Variants in UTRN observed in about 807,000 individuals in gnomAD.
UTRN encodes the protein utrophin, also known as dystrophin-related protein 1.
UTRN carries 283 observed loss-of-function variants against 463.9 expected under a neutral mutation model. The observed-to-expected ratio is 0.61, with a 90% CI of 0.55 to 0.67. The LOEUF is 0.67. Among genes scored for constraint, UTRN ranks in the 30% least tolerant of loss-of-function variants. The pLI, the probability that UTRN is intolerant of heterozygous loss-of-function variation, is 0.00. For synonymous variants in UTRN, 1,442 were observed against 1,431.5 expected, an observed-to-expected ratio of 1.01 and a Z score of -0.17; for missense variants, 3,922 against 4,084.3, an observed-to-expected ratio of 0.96 and a Z score of 1.08.
At chr6:144,435,149 G>A (rs918897401) in intron 9 of UTRN, among the ~76,000 whole-genome samples, 2 of 152,114 alleles carry the variant, frequency 1.3e-5, no homozygotes, top group Admixed American at 1.3e-4. Context: ...TTCTCTATAC[G>A]TTTCTGTACA....
chr6:144,793,908 A>T lies in UTRN; in HGVS notation c.8995A>T (p.Ile2999Phe), dbSNP rs766143709. The change falls in exon 63 of 75, where the codon ATC becomes TTC. Residue 2999 changes from isoleucine to phenylalanine, a missense_variant. Ile to Phe is a conservative substitution (Grantham distance 21). Transcript: ENST00000367545. ...GCTGGGCCTGTTACTTCATGATGCC[A>T]TCCAGATCCCCCGGCAGCTAGGTGA... ...RQLGLLLHDA[I>F]QIPRQLGEVA... 2.0e-5 allele frequency: 33 copies of T among 1,614,056 alleles called. No individual in the cohort carries two copies. Among genetic ancestry groups the T allele is most frequent in the Non-Finnish European group, 2.7e-5 (32 of 1,180,018 alleles).
intron 45 of UTRN, among the ~76,000 whole-genome samples, chr6:144,542,533 C>T (rs1374381540): frequency 6.6e-6 from 1 of 152,058 alleles, no homozygotes; most frequent in Non-Finnish European, 1.5e-5. Flanking sequence ...TAACAGAATT[C>T]AAGGGAGGGG....
chr6:144,452,780 A>G (rs1788454678), intron 18 of UTRN, among the ~76,000 whole-genome samples: 1 of 136,460 alleles, frequency 7.3e-6, no homozygotes, highest in Non-Finnish European at 1.6e-5. Context: ...TACAAAAAGT[A>G]AAAAAAAAAA....
chr6:144,539,087 T>G (rs1201415761), intron 44 of UTRN, among the ~76,000 whole-genome samples: 4 of 152,058 alleles, frequency 2.6e-5, no homozygotes, highest in Non-Finnish European at 5.9e-5. Context: ...TGCACAGGAG[T>G]GCAAAAATAC....
chr6:144,308,760 C>T (rs1054751830), intron 2 of UTRN, among the ~76,000 whole-genome samples: 71 of 152,204 alleles, frequency 4.7e-4, no homozygotes, highest in Non-Finnish European at 7.8e-4. Context: ...CTCTCTTCTG[C>T]ATCCCTATGA....
chr6:144,835,323 G>T (rs1280787653), intron 69 of UTRN, among the ~76,000 whole-genome samples: 2 of 152,106 alleles, frequency 1.3e-5, no homozygotes, highest in African/African-American at 2.4e-5. Context: ...TTAAATAAAA[G>T]AACATAAGGA....
intron 53 of UTRN, among the ~76,000 whole-genome samples, chr6:144,715,542 C>G (rs1786312343): frequency 1.3e-5 from 2 of 152,260 alleles, no homozygotes; most frequent in Admixed American, 1.3e-4. Flanking sequence ...CTCTGACACA[C>G]TGGTTTCGGC....
intron 34 of UTRN, among the ~76,000 whole-genome samples, chr6:144,504,686 T>C (rs150132383): frequency 6.2e-4 from 94 of 152,344 alleles, no homozygotes; most frequent in African/African-American, 2.2e-3. Flanking sequence ...ATTATCACAT[T>C]GATGTTCATC....
chr6:144,838,859 A>G (rs1450977924), intron 71 of UTRN, among the ~76,000 whole-genome samples: 1 of 152,232 alleles, frequency 6.6e-6, no homozygotes, highest in Non-Finnish European at 1.5e-5. Flanking sequence ...CCCAGTGCTG[A>G]TGTTTAAAAT....
intron 2 of UTRN, chr6:144,398,456 G>C: frequency 2.7e-6 from 1 of 370,332 alleles, no homozygotes. Flanking sequence ...GGAAGCATGT[G>C]CTGGCATTTT....
chr6:144,520,899 G>A (rs1585103896), intron 39 of UTRN, among the ~76,000 whole-genome samples: 1 of 152,274 alleles, frequency 6.6e-6, no homozygotes, highest in African/African-American at 2.4e-5. Flanking sequence ...GTAATACGTA[G>A]CACTTATTAA....
rs200477118 is a variant in UTRN at position 144,290,752 on chromosome 6, C to CTTTTTTTTTT, written c.-92-965_-92-956dup. 4.0e-5 allele frequency among the ~76,000 whole-genome samples: 4 copies of CTTTTTTTTTT among 99,168 alleles called. 1 individual carries two copies. The highest frequency in any genetic ancestry group is 1.1e-4 in the Admixed American group (1 of 8,788). The allele number at this position is 99,168 out of a possible 152,430, so 65.1% of individuals were successfully genotyped here. ...TGGTCTACCTACAAGCCACAATCGT[C>CTTTTTTTTTT]TTTTTTTTTTTTTTTTTTTTTTTTT... On this transcript the variant is annotated intron_variant, in intron 1 of 74. Transcript: ENST00000367545.
At chr6:144,732,277 T>C (rs9497064) in intron 54 of UTRN, among the ~76,000 whole-genome samples, 7,780 of 88,158 alleles carry the variant, frequency 0.088, 641 homozygotes, top group African/African-American at 0.28. Context: ...TATATATATA[T>C]ACACACATAT....
chr6:144,548,553 A>T, intron 46 of UTRN, 87 bp from the exon 47 acceptor site: 1 of 1,252,172 alleles, frequency 8.0e-7, no homozygotes, highest in Non-Finnish European at 1.1e-6. Flanking sequence ...AATTTTATTT[A>T]AATACACATA....
intron 2 of UTRN, chr6:144,398,502 A>G (rs1346264139): frequency 3.1e-6 from 1 of 318,918 alleles, no homozygotes; most frequent in Admixed American, 3.8e-5. Context: ...GGACAGTGAT[A>G]TTACTTCAAT....
chr6:144,477,895 C>CTATT (rs1365833655), intron 25 of UTRN, among the ~76,000 whole-genome samples: 1 of 152,022 alleles, frequency 6.6e-6, no homozygotes, highest in African/African-American at 2.4e-5. Context: ...ATCTATCTAT[C>CTATT]TATCTATCTA....
chr6:144,844,644 G>A (rs1448513436), intron 73 of UTRN, among the ~76,000 whole-genome samples: 1 of 152,124 alleles, frequency 6.6e-6, no homozygotes, highest in Non-Finnish European at 1.5e-5. Flanking sequence ...TTCCTAGATA[G>A]TACTCAGAAC....
chr6:144,609,079 C>T (rs754708621), intron 51 of UTRN, among the ~76,000 whole-genome samples: 14 of 152,070 alleles, frequency 9.2e-5, no homozygotes, highest in Non-Finnish European at 1.6e-4. Flanking sequence ...AATAAAATAA[C>T]CAAGACTGGC....
At chr6:144,328,044 C>T (rs541030858) in intron 2 of UTRN, among the ~76,000 whole-genome samples, 3 of 152,144 alleles carry the variant, frequency 2.0e-5, no homozygotes, top group Non-Finnish European at 4.4e-5. Flanking sequence ...TAGGACAACA[C>T]TGTGAGGGAA....
Sources: gnomAD v4.1 joint callset for allele counts (sites outside exome capture counted in the v4.1 genomes callset) on GRCh38, gnomAD v4.1.1 for gene constraint, MANE v1.5 for transcripts, NCBI Gene and HGNC (gene_info 2026-07-23, HGNC 2026-07-21) for gene names.